The following MAPK10 variants were observed in gnomAD, a reference collection of about 807,000 sequenced individuals.
The protein encoded by MAPK10 is mitogen-activated protein kinase 10.
MAPK10 carries 25 observed loss-of-function variants against 59.3 expected under a neutral mutation model. The observed-to-expected ratio is 0.42, with a 90% CI of 0.31 to 0.59. The LOEUF (loss-of-function observed/expected upper bound fraction) is 0.59. MAPK10 is among the 20% of genes least tolerant of loss of function. MAPK10 has a pLI of 0.15. For synonymous variants in MAPK10, 190 were observed against 200.5 expected, an observed-to-expected ratio of 0.95 and a Z score of 0.44; for missense variants, 351 against 568.9, an observed-to-expected ratio of 0.62 and a Z score of 3.90.
intron 1 of MAPK10, among the ~76,000 whole-genome samples, chr4:86,472,001 A>G (rs886797869): frequency 1.3e-5 from 2 of 152,206 alleles, no homozygotes; most frequent in Non-Finnish European, 2.9e-5. Context: ...TCAGGAATAA[A>G]CCAATTGCCA....
chr4:86,258,270 T>C (rs757087679), intron 2 of MAPK10, among the ~76,000 whole-genome samples: 27 of 152,164 alleles, frequency 1.8e-4, no homozygotes, highest in Admixed American at 4.6e-4. Context: ...CACTAGATTG[T>C]GTATAACTAA....
At chr4:86,264,380 C>T (rs967365089) in intron 2 of MAPK10, among the ~76,000 whole-genome samples, 1 of 152,182 alleles carries the variant, frequency 6.6e-6, no homozygotes, top group African/African-American at 2.4e-5. Context: ...GAATTTCACA[C>T]CACCCAAGAA....
At chr4:86,099,692 T>C (rs1314315786) in intron 8 of MAPK10, 2 of 152,262 alleles carry the variant, frequency 1.3e-5, no homozygotes, top group African/African-American at 4.8e-5. Flanking sequence ...TAATACCAGC[T>C]ATTGGTAGTG....
intron 3 of MAPK10, among the ~76,000 whole-genome samples, chr4:86,184,957 G>A (rs12508372): frequency 0.085 from 12,931 of 152,206 alleles, 1,223 homozygotes; most frequent in African/African-American, 0.23. Context: ...AACAGGAGAC[G>A]ATTCCAATGG....
intron 1 of MAPK10, among the ~76,000 whole-genome samples, chr4:86,401,067 G>A (rs1380145936): frequency 6.6e-6 from 1 of 152,090 alleles, no homozygotes; most frequent in Non-Finnish European, 1.5e-5. Flanking sequence ...TGCATTATAA[G>A]TGGAACTTTT....
chr4:86,048,285 G>C (rs2042885255), intron 11 of MAPK10, among the ~76,000 whole-genome samples: 1 of 152,024 alleles, frequency 6.6e-6, no homozygotes, highest in Admixed American at 6.6e-5. Context: ...ACATAAAAAT[G>C]AATCACTGCA....
intron 2 of MAPK10, among the ~76,000 whole-genome samples, chr4:86,223,406 T>C (rs1416013773): frequency 6.6e-6 from 1 of 152,212 alleles, no homozygotes; most frequent in Non-Finnish European, 1.5e-5. Context: ...AACATTGTCC[T>C]GTTCGGCACC....
chr4:86,323,177 G>A (rs1304912811), intron 2 of MAPK10, among the ~76,000 whole-genome samples: 1 of 152,130 alleles, frequency 6.6e-6, no homozygotes, highest in East Asian at 1.9e-4. Context: ...GGGAGCCTCC[G>A]TCTCAAAGAT....
chr4:86,375,396 G>A (rs539822244), intron 1 of MAPK10, among the ~76,000 whole-genome samples: 52 of 152,206 alleles, frequency 3.4e-4, no homozygotes, highest in Non-Finnish European at 4.7e-4. Context: ...AGACAAACTA[G>A]AAGTGAAGTT....
chr4:86,304,549 C>T (rs1034338531), intron 2 of MAPK10, among the ~76,000 whole-genome samples: 11 of 151,460 alleles, frequency 7.3e-5, no homozygotes, highest in East Asian at 3.9e-4. Flanking sequence ...CCCGCCACCG[C>T]GCCCGGCTAA....
chr4:86,392,839 G>C (rs17011870), intron 1 of MAPK10, among the ~76,000 whole-genome samples: 2,475 of 152,346 alleles, frequency 0.016, 101 homozygotes, highest in East Asian at 0.12. Context: ...AGGAGTACAG[G>C]AGAGATTTTT....
intron 4 of MAPK10, 107 bp from the exon 5 acceptor site, chr4:86,107,459 G>A: frequency 6.8e-7 from 1 of 1,468,508 alleles, no homozygotes; most frequent in South Asian, 1.5e-5. Context: ...CGGAATCTTA[G>A]ATACTGTCTA....
chr4:86,286,421 A>G (rs762828923), intron 2 of MAPK10, among the ~76,000 whole-genome samples: 2 of 152,138 alleles, frequency 1.3e-5, no homozygotes, highest in Admixed American at 1.3e-4. Flanking sequence ...TAGTAATGAT[A>G]ATAATAATAA....
chr4:86,205,834 G>A (rs1442689627), intron 2 of MAPK10, among the ~76,000 whole-genome samples: 1 of 151,860 alleles, frequency 6.6e-6, no homozygotes, highest in Non-Finnish European at 1.5e-5. Context: ...CTGGGTAAGA[G>A]TTTTCTATCA....
At chr4:86,480,096 T>C (rs1159640872) in intron 1 of MAPK10, among the ~76,000 whole-genome samples, 1 of 152,188 alleles carries the variant, frequency 6.6e-6, no homozygotes, top group African/African-American at 2.4e-5. Context: ...TAAGCCATCA[T>C]ATCCCCTGTG....
intron 11 of MAPK10, among the ~76,000 whole-genome samples, chr4:86,046,625 G>GA (rs2042555711): frequency 6.6e-6 from 1 of 152,062 alleles, no homozygotes; most frequent in Admixed American, 6.6e-5. Flanking sequence ...TATTAACTCG[G>GA]AAAAATTGGT....
At chr4:86,066,084 C>G (rs970907996) in intron 10 of MAPK10, among the ~76,000 whole-genome samples, 4 of 151,962 alleles carry the variant, frequency 2.6e-5, no homozygotes, top group African/African-American at 9.7e-5. Flanking sequence ...TAATTTTTTA[C>G]CTGTAAGTAT....
chr4:86,479,846 T>C (rs1386854776), intron 1 of MAPK10, among the ~76,000 whole-genome samples: 3 of 152,078 alleles, frequency 2.0e-5, no homozygotes, highest in East Asian at 1.9e-4. Flanking sequence ...AAGACAAATG[T>C]TTCTTCTAAC....
chr4:86,289,272 G>A (rs963289766), intron 2 of MAPK10, among the ~76,000 whole-genome samples: 1 of 152,170 alleles, frequency 6.6e-6, no homozygotes, highest in Non-Finnish European at 1.5e-5. Context: ...AAGGTAGCCA[G>A]GGGCTAGATT....
Sources: allele counts gnomAD v4.1 joint callset (sites outside exome capture counted in the v4.1 genomes callset), GRCh38; gene constraint gnomAD v4.1.1; transcripts MANE v1.5; gene names NCBI Gene and HGNC (gene_info 2026-07-23, HGNC 2026-07-21).